Variants in AGTPBP1 observed in about 807,000 individuals in gnomAD.
AGTPBP1 encodes ATP/GTP binding carboxypeptidase 1, also known as cytosolic carboxypeptidase 1.
In AGTPBP1, 70 loss-of-function variants were observed where a neutral mutation model predicts 143.9. The observed-to-expected ratio is 0.49, with a 90% CI of 0.40 to 0.59. The LOEUF (loss-of-function observed/expected upper bound fraction) is 0.59, where lower values mean the gene tolerates loss of function less well. Among genes scored for constraint, AGTPBP1 ranks in the 20% least tolerant of loss-of-function variants. The pLI, the probability that AGTPBP1 is intolerant of heterozygous loss-of-function variation, is 0.00. For synonymous variants in AGTPBP1, 463 were observed against 500.2 expected (o/e 0.93, Z 0.99); for missense variants, 1,229 against 1,464.5 (o/e 0.84, Z 2.62).
At chr9:85,748,124 TG>T in the AGTPBP1 span, among the ~76,000 whole-genome samples, 1 of 152,236 alleles carries the variant, frequency 6.6e-6, no homozygotes, top group Non-Finnish European at 1.5e-5. Context: ...ACCTGGCTTC[TG>T]GCTCTATCAC....
chr9:85,651,037 C>G (rs1833132678), intron 11 of AGTPBP1, among the ~76,000 whole-genome samples: 1 of 152,068 alleles, frequency 6.6e-6, no homozygotes, highest in Non-Finnish European at 1.5e-5. Context: ...TCATATGTAC[C>G]AGCTAGTCGG....
At chr9:85,705,991 A>G (rs1305853266) in intron 2 of AGTPBP1, among the ~76,000 whole-genome samples, 1 of 151,678 alleles carries the variant, frequency 6.6e-6, no homozygotes, top group African/African-American at 2.4e-5. Flanking sequence ...CGCCTGGACT[A>G]TGGAAGGTTT....
chr9:85,786,570 TA>T, the AGTPBP1 span: 1 of 1,613,578 alleles, frequency 6.2e-7, no homozygotes, highest in Non-Finnish European at 8.5e-7. Context: ...CCAAGGGACT[TA>T]AAAACTTAGA....
intron 1 of AGTPBP1, among the ~76,000 whole-genome samples, chr9:85,729,509 A>T (rs1838737259): frequency 6.6e-6 from 1 of 152,180 alleles, no homozygotes; most frequent in Non-Finnish European, 1.5e-5. Flanking sequence ...ACAAAAACAA[A>T]AACAAATGGG....
At chr9:85,557,549 C>A (rs1464333207) in intron 25 of AGTPBP1, among the ~76,000 whole-genome samples, 1 of 152,092 alleles carries the variant, frequency 6.6e-6, no homozygotes, top group Admixed American at 6.6e-5. Context: ...CCCAGAAATG[C>A]AAACCAGACT....
At chr9:85,620,855 G>A (rs1830890043) in intron 15 of AGTPBP1, among the ~76,000 whole-genome samples, 1 of 152,116 alleles carries the variant, frequency 6.6e-6, no homozygotes, top group Non-Finnish European at 1.5e-5. Flanking sequence ...TGCAAGACAA[G>A]CCAGCATTTC....
chr9:85,631,252 G>A (rs1273052787), intron 14 of AGTPBP1, among the ~76,000 whole-genome samples: 5 of 152,212 alleles, frequency 3.3e-5, no homozygotes, highest in Admixed American at 2.0e-4. Flanking sequence ...TCCCTGGGTG[G>A]ATACTGGATG....
chr9:85,596,007 A>G (rs1829280980), intron 18 of AGTPBP1, among the ~76,000 whole-genome samples: 1 of 152,244 alleles, frequency 6.6e-6, no homozygotes, highest in Non-Finnish European at 1.5e-5. Context: ...ACTTGATATC[A>G]TAGGAACAAT....
intron 1 of AGTPBP1, among the ~76,000 whole-genome samples, chr9:85,739,546 T>C (rs34698294): frequency 0.01 from 1,581 of 151,204 alleles, 14 homozygotes; most frequent in Middle Eastern, 0.024. Context: ...CCGTCTCTAC[T>C]AAAAACAAAA....
At chr9:85,790,881 T>C in the AGTPBP1 span, among the ~76,000 whole-genome samples, 2 of 152,174 alleles carry the variant, frequency 1.3e-5, no homozygotes, top group Non-Finnish European at 2.9e-5. Flanking sequence ...CAGAAAAGAA[T>C]AGAAAATTAA....
chr9:85,692,839 C>A (rs779659694), intron 2 of AGTPBP1, 26 bp from the exon 3 acceptor site: 3 of 1,606,008 alleles, frequency 1.9e-6, no homozygotes, highest in Non-Finnish European at 2.6e-6. Flanking sequence ...AATGTTAGGG[C>A]ACATTCTAAA....
intron 11 of AGTPBP1, among the ~76,000 whole-genome samples, chr9:85,649,355 T>C (rs185888733): frequency 9.3e-4 from 141 of 152,366 alleles, no homozygotes; most frequent in Admixed American, 2.3e-3. Flanking sequence ...TTTCCCTTTA[T>C]GTTTTCTATG....
intron 18 of AGTPBP1, among the ~76,000 whole-genome samples, chr9:85,593,345 C>T (rs1430508758): frequency 1.3e-5 from 2 of 151,918 alleles, no homozygotes; most frequent in African/African-American, 2.4e-5. Context: ...GCTTCTTTAG[C>T]GAATGAATGA....
At chr9:85,619,977 C>A (rs1235277212) in intron 15 of AGTPBP1, among the ~76,000 whole-genome samples, 1 of 152,132 alleles carries the variant, frequency 6.6e-6, no homozygotes, top group Non-Finnish European at 1.5e-5. Flanking sequence ...CCTGTCTTAT[C>A]TGACAAAGAA....
intron 15 of AGTPBP1, among the ~76,000 whole-genome samples, chr9:85,620,737 A>C (rs921321972): frequency 3.3e-5 from 5 of 152,196 alleles, no homozygotes; most frequent in African/African-American, 1.2e-4. Context: ...GCCGATTATA[A>C]GCAGTAAGAG....
chr9:85,739,600 C>T (rs749417597), intron 1 of AGTPBP1, among the ~76,000 whole-genome samples: 3 of 150,782 alleles, frequency 2.0e-5, no homozygotes, highest in Non-Finnish European at 4.4e-5. Context: ...CCCAGCTATT[C>T]GGGAGGCTGA....
chr9:85,732,274 G>T (rs1368301741), intron 1 of AGTPBP1, among the ~76,000 whole-genome samples: 1 of 148,732 alleles, frequency 6.7e-6, no homozygotes, highest in African/African-American at 2.5e-5. Flanking sequence ...GAGTGCAGCG[G>T]CGTGATTTCA....
chr9:85,636,572 T>C (rs1415094378), intron 13 of AGTPBP1, among the ~76,000 whole-genome samples: 1 of 152,044 alleles, frequency 6.6e-6, no homozygotes, highest in Non-Finnish European at 1.5e-5. Context: ...TAGATATTTC[T>C]AATGACAGAT....
the AGTPBP1 span, among the ~76,000 whole-genome samples, chr9:85,778,084 C>CAG: frequency 6.6e-6 from 1 of 152,120 alleles, no homozygotes; most frequent in Non-Finnish European, 1.5e-5. Context: ...GGCAGGGTGG[C>CAG]GAGTGGAGAC....
Sources: allele counts gnomAD v4.1 joint callset (sites outside exome capture counted in the v4.1 genomes callset), GRCh38; gene constraint gnomAD v4.1.1; transcripts MANE v1.5; gene names NCBI Gene and HGNC (gene_info 2026-07-23, HGNC 2026-07-21).